Variants in HCRTR2 observed in about 807,000 individuals in gnomAD.
HCRTR2 encodes hypocretin receptor 2.
Under a neutral mutation model 49.0 loss-of-function variants are expected in HCRTR2, and 22 were observed. That is an observed-to-expected ratio of 0.45 (90% CI 0.32 to 0.64). The LOEUF (loss-of-function observed/expected upper bound fraction) is 0.64. Ranked by LOEUF, HCRTR2 falls within the 30% of genes least tolerant of loss-of-function variation. HCRTR2 has a pLI of 0.04. For missense variants in HCRTR2, 491 were observed against 559.4 expected, an observed-to-expected ratio of 0.88 and a Z score of 1.23; for synonymous variants, 236 against 205.3, an observed-to-expected ratio of 1.15 and a Z score of -1.28.
At chr6:55,176,897 A>C (rs1304241332) in intron 1 of HCRTR2, among the ~76,000 whole-genome samples, 1 of 152,206 alleles carries the variant, frequency 6.6e-6, no homozygotes, top group Non-Finnish European at 1.5e-5. Flanking sequence ...GAGAAGCAGT[A>C]ATTTTTTTAT....
intron 1 of HCRTR2, among the ~76,000 whole-genome samples, chr6:55,205,029 C>G (rs1478317098): frequency 6.6e-6 from 1 of 152,264 alleles, no homozygotes; most frequent in South Asian, 2.1e-4. Context: ...CCACCCTCCT[C>G]AGACTCCCAA....
chr6:55,179,106 CAG>C (rs1432137591), intron 1 of HCRTR2, among the ~76,000 whole-genome samples: 1 of 152,124 alleles, frequency 6.6e-6, no homozygotes, highest in Non-Finnish European at 1.5e-5. Context: ...TTGCTTCCTA[CAG>C]AGTTAGTCTT....
intron 3 of HCRTR2, among the ~76,000 whole-genome samples, chr6:55,260,608 G>C (rs1766736687): frequency 6.6e-6 from 1 of 152,118 alleles, no homozygotes; most frequent in African/African-American, 2.4e-5. Context: ...GCATCCTACT[G>C]ACCCTGCTGA....
downstream of HCRTR2, among the ~76,000 whole-genome samples, chr6:55,282,920 G>A (rs1037440041): frequency 6.6e-6 from 1 of 151,890 alleles, no homozygotes; most frequent in African/African-American, 2.4e-5. Context: ...CAAGACTGTT[G>A]TTATAATGTG....
chr6:55,179,217 G>C (rs1765090612), intron 1 of HCRTR2, among the ~76,000 whole-genome samples: 1 of 151,852 alleles, frequency 6.6e-6, no homozygotes, highest in South Asian at 2.1e-4. Context: ...TAGTTTCATG[G>C]GTGTTTGTAA....
intron 1 of HCRTR2, among the ~76,000 whole-genome samples, chr6:55,116,638 A>G (rs550717079): frequency 5.8e-4 from 88 of 151,054 alleles, no homozygotes; most frequent in Non-Finnish European, 1.1e-3. Flanking sequence ...TTCATATTCA[A>G]TTAGACCTGG....
upstream of HCRTR2, chr6:55,174,245 G>A (rs1039235634): frequency 1.3e-5 from 4 of 311,402 alleles, no homozygotes; most frequent in African/African-American, 8.6e-5. Context: ...GGAGGCTGTG[G>A]GCTGCGGACT....
chr6:55,248,122 A>C (rs546853668), intron 1 of HCRTR2, among the ~76,000 whole-genome samples: 1 of 152,258 alleles, frequency 6.6e-6, no homozygotes, highest in East Asian at 1.9e-4. Flanking sequence ...TATATGAACC[A>C]TCTAGCTCGG....
chr6:55,117,463 G>A (rs936349476), intron 1 of HCRTR2, among the ~76,000 whole-genome samples: 4 of 151,462 alleles, frequency 2.6e-5, no homozygotes, highest in African/African-American at 9.7e-5. Context: ...TATTCATGGG[G>A]TACATGTGAT....
At chr6:55,168,906 A>G (rs1395837489) in intron 1 of HCRTR2, among the ~76,000 whole-genome samples, 2 of 152,066 alleles carry the variant, frequency 1.3e-5, no homozygotes, top group African/African-American at 4.8e-5. Flanking sequence ...GAGTGCTAAC[A>G]TTACTTGTCT....
In HCRTR2 at chr6:55,255,147, G is replaced by A. The variant is rs748753086; in HGVS notation, c.414G>A (p.Val138=). ...KVIPYLQTVS[V]SVSVLTLSCI... is the part of the protein sequence containing the mutation. ...TTTCTTTTCTCTAGACCGTGTCGGT[G>A]TCTGTGTCTGTCCTCACACTGAGCT... Residue 138 remains valine (V), a synonymous_variant, in exon 3 of 7, where the codon GTG becomes GTA. Coordinates refer to ENST00000370862, the MANE Select transcript of HCRTR2 (RefSeq NM_001384272.1). 13 of 1,613,862 alleles carry A rather than the reference G, an allele frequency of 8.1e-6. No homozygotes were observed. Among genetic ancestry groups the A allele is most frequent in the Non-Finnish European group, 1.1e-5 (13 of 1,179,886 alleles).
intron 1 of HCRTR2, among the ~76,000 whole-genome samples, chr6:55,121,912 C>G (rs1006435820): frequency 2.0e-5 from 3 of 151,160 alleles, no homozygotes; most frequent in African/African-American, 7.4e-5. Context: ...GGATATTGTT[C>G]TAAAATTCTC....
At chr6:55,124,411 G>T (rs1157708393) in intron 1 of HCRTR2, among the ~76,000 whole-genome samples, 1 of 152,168 alleles carries the variant, frequency 6.6e-6, no homozygotes, top group African/African-American at 2.4e-5. Flanking sequence ...CAGTTTCCAT[G>T]CAGTTGTGTG....
At chr6:55,180,704 ATTTG>A (rs1356273393) in intron 1 of HCRTR2, among the ~76,000 whole-genome samples, 1 of 152,150 alleles carries the variant, frequency 6.6e-6, no homozygotes, top group African/African-American at 2.4e-5. Context: ...ATCTACAGAT[ATTTG>A]TTTATTTTTC....
chr6:55,216,455 G>A (rs977098621), intron 1 of HCRTR2, among the ~76,000 whole-genome samples: 15 of 152,114 alleles, frequency 9.9e-5, no homozygotes, highest in East Asian at 3.9e-4. Flanking sequence ...ATCAAAACAA[G>A]TCATATAATT....
chr6:55,114,705 T>C (rs2127611679), intron 1 of HCRTR2, among the ~76,000 whole-genome samples: 1 of 151,942 alleles, frequency 6.6e-6, no homozygotes, highest in South Asian at 2.1e-4. Flanking sequence ...ATGATGAGTA[T>C]AAAGTGCTGA....
At chr6:55,260,589 C>A (rs1203610437) in intron 3 of HCRTR2, among the ~76,000 whole-genome samples, 1 of 152,056 alleles carries the variant, frequency 6.6e-6, no homozygotes, top group East Asian at 1.9e-4. Context: ...CTTAGACCTG[C>A]CAACACATGC....
intron 2 of HCRTR2, among the ~76,000 whole-genome samples, chr6:55,251,752 A>G (rs976126177): frequency 1.3e-5 from 2 of 152,230 alleles, no homozygotes; most frequent in Non-Finnish European, 2.9e-5. Flanking sequence ...TTGCTAGTAT[A>G]AAACAGTGGA....
chr6:55,282,645 G>C, downstream of HCRTR2: 1 of 589,610 alleles, frequency 1.7e-6, no homozygotes, highest in Non-Finnish European at 3.0e-6. Flanking sequence ...ATTTAAATAT[G>C]TTAGAAGTTT....
Sources: gnomAD v4.1 joint callset for allele counts (sites outside exome capture counted in the v4.1 genomes callset) on GRCh38, gnomAD v4.1.1 for gene constraint, MANE v1.5 for transcripts, NCBI Gene and HGNC (gene_info 2026-07-23, HGNC 2026-07-21) for gene names.